The following TSEN2 variants were observed in gnomAD, a reference collection of about 807,000 sequenced individuals.
The protein encoded by TSEN2 is tRNA-splicing endonuclease subunit Sen2.
Under a neutral mutation model 59.2 loss-of-function variants are expected in TSEN2, and 54 were observed. The ratio of observed to expected loss-of-function variants is 0.91; its 90% CI spans 0.73 to 1.14. The LOEUF is 1.14. TSEN2 is among the 50% of genes most tolerant of loss of function. The probability of loss-of-function intolerance (pLI) is 0.00; values close to 1 mark genes in which losing one functional copy is unlikely to be tolerated. For synonymous variants in TSEN2, 195 were observed against 198.2 expected (o/e 0.98, Z 0.14); for missense variants, 636 against 576.2 (o/e 1.10, Z -1.06).
chr3:12,503,994 A>G lies in TSEN2; in HGVS notation c.831+210A>G, dbSNP rs76776919. ...TTTTAAAAAAATTTATAAAATTAAG[A>G]CAAGGCCAGTGGTATTCTCTCCTTT... On this transcript the variant is annotated intron_variant, in intron 5 of 11. Transcript: ENST00000284995. 0.025 allele frequency among the ~76,000 whole-genome samples: 3,753 copies of G among 152,216 alleles called. 68 individuals are homozygous for G. Among genetic ancestry groups the G allele is most frequent in the South Asian group, 0.06 (288 of 4,824 alleles).
chr3:12,524,203 T>A (rs1229019319), intron 8 of TSEN2, among the ~76,000 whole-genome samples: 4 of 152,226 alleles, frequency 2.6e-5, no homozygotes, highest in Admixed American at 2.0e-4. Flanking sequence ...AAGTGTAGGA[T>A]TACAGGCGTG....
Position 12,484,807 on chromosome 3 carries a change from A to G in TSEN2, c.-91A>G, listed in dbSNP as rs866706372. On this transcript the variant is annotated 5_prime_UTR_variant, in exon 1 of 12. Coordinates refer to ENST00000284995, the MANE Select transcript of TSEN2 (RefSeq NM_025265.4). ...GGCTGGGGCGCAAGGTGCAGCTGACAATGCCCGAGAGGAGCCGCAGCCTCT... is the reference window on the plus strand; with the variant it reads ...GGCTGGGGCGCAAGGTGCAGCTGACGATGCCCGAGAGGAGCCGCAGCCTCT... 6.6e-6 allele frequency: 1 copy of G among 152,350 alleles called. No individual in the cohort carries two copies. Among genetic ancestry groups the G allele is most frequent in the Admixed American group, 6.5e-5 (1 of 15,278 alleles). The allele number at this position is 152,350 out of a possible 1,614,324, so 9.4% of individuals were successfully genotyped here. A position where few individuals can be genotyped will look rare whatever the true frequency, so the allele number is the denominator to read the frequency against.
At position 12,484,506 on chromosome 3, in the gene TSEN2, G is replaced by A. The variant is rs1159449020; in HGVS notation, c.-392G>A. 2.6e-5 allele frequency: 4 copies of A among 152,030 alleles called. No individual in the cohort carries two copies. Among genetic ancestry groups the A allele is most frequent in the Non-Finnish European group, 4.4e-5 (3 of 68,048 alleles). The allele number at this position is 152,030 out of a possible 1,614,324, so 9.4% of individuals were successfully genotyped here. On this transcript the variant is annotated 5_prime_UTR_variant, in exon 1 of 12. Coordinates refer to ENST00000284995, the MANE Select transcript of TSEN2 (RefSeq NM_025265.4). ...TTGCCGGGGTAACGGCGAGCGCGTG[G>A]GGCCAAGAAAGGTAAGGGCCCTGGG...
Position 12,525,190 on chromosome 3 carries a change from G to A in TSEN2, c.1100-3698G>A, listed in dbSNP as rs894253609. ...TCAAGCTCGGGTTCTCTTAGCACAC[G>A]TAGGTGATGTGTGTGCTTATTGGAG... is the stretch of plus-strand genomic sequence containing the variant. On this transcript the variant is annotated intron_variant, in intron 8 of 11. Transcript: ENST00000284995. Among the ~76,000 whole-genome samples the A allele has an allele frequency of 2.1e-4, 32 of 152,268 alleles. 1 individual carries two copies. The highest frequency in any genetic ancestry group is 7.8e-4 in the Admixed American group (12 of 15,290).
intron 1 of TSEN2, among the ~76,000 whole-genome samples, chr3:12,485,183 T>G (rs1263034262): frequency 6.6e-6 from 1 of 152,202 alleles, no homozygotes; most frequent in Non-Finnish European, 1.5e-5. Flanking sequence ...GTGTTTTGGT[T>G]GGGAGAAGGT....
rs1300471102 is a variant in TSEN2, at chr3:12,503,268, G to A, written c.315G>A (p.Gln105=). The A allele has an allele frequency of 1.2e-6, 2 of 1,614,126 alleles. No individual in the cohort carries two copies. The highest frequency in any genetic ancestry group is 1.7e-5 in the Admixed American group (1 of 60,020). ...CAGTATTTCTGTCTTGCAGGTATCA[G>A]CATAGTGTTGAGTGGGCAGCAGAGC... ...NMPIITSKRY[Q]HSVEWAAELM... The change falls in exon 5 of 12, where the codon CAG becomes CAA. Residue 105 remains glutamine (Q), a synonymous_variant. Transcript: ENST00000284995.
chr3:12,504,544 C>CA (rs1158839301), intron 5 of TSEN2, among the ~76,000 whole-genome samples: 2 of 151,316 alleles, frequency 1.3e-5, no homozygotes, highest in East Asian at 3.9e-4. Flanking sequence ...GACACTGTCT[C>CA]AAAAAAACAA....
At chr3:12,532,232 C>T (rs1438373905) in intron 11 of TSEN2, among the ~76,000 whole-genome samples, 15 of 152,192 alleles carry the variant, frequency 9.9e-5, no homozygotes, top group Admixed American at 9.8e-4. Context: ...GTCTCCAGGG[C>T]CCCAGCACGT....
At chr3:12,499,271 G>T (rs1426138527) in intron 4 of TSEN2, among the ~76,000 whole-genome samples, 1 of 152,206 alleles carries the variant, frequency 6.6e-6, no homozygotes, top group African/African-American at 2.4e-5. Flanking sequence ...AGCCCTGATG[G>T]TCGTGCTGGT....
chr3:12,525,801 A>C (rs9837388), intron 8 of TSEN2, among the ~76,000 whole-genome samples: 1 of 151,436 alleles, frequency 6.6e-6, no homozygotes, highest in Non-Finnish European at 1.5e-5. Flanking sequence ...CTGGCCTCAA[A>C]TGATCCACCC....
chr3:12,515,797 A>C (rs1010652884), intron 6 of TSEN2, among the ~76,000 whole-genome samples: 1 of 152,192 alleles, frequency 6.6e-6, no homozygotes, highest in Non-Finnish European at 1.5e-5. Context: ...CTAGAAAATC[A>C]CTTCACCAAA....
rs529759800 is a variant in TSEN2 at position 12,529,656 on chromosome 3, G to T, written c.1137-106G>T. 5 of 988,386 alleles carry T rather than the reference G, an allele frequency of 5.1e-6. No individual in the cohort carries two copies. In the South Asian group the frequency reaches 7.6e-5, roughly 15 times the overall value. 61.2% of individuals were successfully genotyped at this position (988,386 alleles called of 1,614,324 possible). ...AATTTAGGGGAATTTAGAATCAGATGATGCAAATTTCATTTTCTGTATATT... is the reference window on the plus strand; with the variant it reads ...AATTTAGGGGAATTTAGAATCAGATTATGCAAATTTCATTTTCTGTATATT... On this transcript the variant is annotated intron_variant, in intron 9 of 11. Coordinates refer to ENST00000284995, the MANE Select transcript of TSEN2 (RefSeq NM_025265.4).
downstream of TSEN2, among the ~76,000 whole-genome samples, chr3:12,536,681 C>G (rs1341416672): frequency 6.6e-6 from 1 of 152,034 alleles, no homozygotes; most frequent in Non-Finnish European, 1.5e-5. Flanking sequence ...GGGGCAAAAC[C>G]TATAGATTGG....
intron 7 of TSEN2, among the ~76,000 whole-genome samples, chr3:12,518,056 T>C (rs2056310992): frequency 6.6e-6 from 1 of 152,238 alleles, no homozygotes; most frequent in Non-Finnish European, 1.5e-5. Context: ...CAGTAACTAC[T>C]GAAATAAAGC....
At chr3:12,538,753 G>T (rs2057739710) in intron 10 of TSEN2, 2 of 157,802 alleles carry the variant, frequency 1.3e-5, no homozygotes, top group South Asian at 1.8e-4. Context: ...GATTGTTTCA[G>T]TGCACAAACT....
chr3:12,501,521 G>A (rs1201754980), intron 4 of TSEN2, among the ~76,000 whole-genome samples: 1 of 152,164 alleles, frequency 6.6e-6, no homozygotes, highest in Non-Finnish European at 1.5e-5. Context: ...TCAGGGTTAA[G>A]CAACCACTAG....
chr3:12,484,292 G>A (rs1421402852), upstream of TSEN2: 1 of 152,426 alleles, frequency 6.6e-6, no homozygotes, highest in Non-Finnish European at 1.5e-5. Flanking sequence ...ATCCTGCAGA[G>A]AGCAGCAAAG....
chr3:12,517,786 C>G (rs1291263748), intron 7 of TSEN2, among the ~76,000 whole-genome samples: 1 of 152,158 alleles, frequency 6.6e-6, no homozygotes, highest in Non-Finnish European at 1.5e-5. Flanking sequence ...TGAAATGTGT[C>G]AGAACGTTAC....
chr3:12,480,832 C>T (rs980224914), upstream of TSEN2, among the ~76,000 whole-genome samples: 15 of 152,238 alleles, frequency 9.9e-5, no homozygotes, highest in Admixed American at 9.2e-4. Context: ...CCGCGCCCGG[C>T]CTGTCATGTT....
Sources: allele counts gnomAD v4.1 joint callset (sites outside exome capture counted in the v4.1 genomes callset), GRCh38; gene constraint gnomAD v4.1.1; transcripts MANE v1.5; gene names NCBI Gene and HGNC (gene_info 2026-07-23, HGNC 2026-07-21).